Variants in INPP5A observed in about 807,000 individuals in gnomAD.
INPP5A encodes 43 kDa inositol polyphosphate 5-phophatase.
INPP5A carries 14 observed loss-of-function variants against 65.2 expected under a neutral mutation model. The ratio of observed to expected loss-of-function variants is 0.21; its 90% CI spans 0.14 to 0.34. INPP5A has a LOEUF of 0.34. Among genes scored for constraint, INPP5A ranks in the 10% least tolerant of loss-of-function variants. INPP5A has a pLI of 1.00. For synonymous variants in INPP5A, 207 were observed against 208.3 expected (o/e 0.99, Z 0.05); for missense variants, 431 against 545.6 (o/e 0.79, Z 2.09).
intron 11 of INPP5A, among the ~76,000 whole-genome samples, chr10:132,761,405 A>T (rs1846730604): frequency 6.6e-6 from 1 of 152,198 alleles, no homozygotes; most frequent in African/African-American, 2.4e-5. Context: ...CTCTGGGTTA[A>T]CAAGACAGAC....
chr10:132,742,814 C>T (rs1050457943), intron 9 of INPP5A, among the ~76,000 whole-genome samples: 10 of 152,164 alleles, frequency 6.6e-5, no homozygotes, highest in African/African-American at 2.2e-4. Context: ...TTCTCTTTGC[C>T]GAGATTTATC....
At chr10:132,640,506 CA>C (rs1178102656) in intron 2 of INPP5A, among the ~76,000 whole-genome samples, 1 of 152,254 alleles carries the variant, frequency 6.6e-6, no homozygotes, top group East Asian at 1.9e-4. Flanking sequence ...AAGTGTGGCC[CA>C]GGCTTGGGCA....
In INPP5A at chr10:132,607,942, C is replaced by T. The variant is rs749800240; in HGVS notation, c.103C>T (p.Arg35Trp). 2.5e-5 allele frequency: 41 copies of T among 1,611,736 alleles called. No homozygotes were observed. The highest frequency in any genetic ancestry group is 3.2e-5 in the Non-Finnish European group (38 of 1,179,980). Residue 35 changes from arginine (R) to tryptophan (W), a missense_variant, in exon 2 of 16, where the codon CGG (arginine) becomes TGG (tryptophan). Transcript: ENST00000368594. ...AGAAAACCTGCAGAAGAACTGGCTT[C>T]GGGAATTTTACCAGGTAAGAACCAC... Reference protein sequence around the residue: ...DPENLQKNWLREFYQVVHTHK... With the variant: ...DPENLQKNWLWEFYQVVHTHK...
intron 2 of INPP5A, among the ~76,000 whole-genome samples, chr10:132,630,992 A>G (rs112795895): frequency 0.024 from 3,585 of 152,242 alleles, 52 homozygotes; most frequent in South Asian, 0.039. Context: ...AGGCTGCTGC[A>G]TGTGGTCAGT....
At chr10:132,557,196 G>A (rs1298967331) in intron 1 of INPP5A, among the ~76,000 whole-genome samples, 12 of 152,216 alleles carry the variant, frequency 7.9e-5, no homozygotes, top group Non-Finnish European at 1.3e-4. Context: ...GTCTGTTGCC[G>A]CTGTGACCGA....
At chr10:132,602,607 AT>A (rs1249862058) in intron 1 of INPP5A, among the ~76,000 whole-genome samples, 1 of 152,012 alleles carries the variant, frequency 6.6e-6, no homozygotes, top group Non-Finnish European at 1.5e-5. Flanking sequence ...ATTTCTATCA[AT>A]TTTTTGGTGG....
At chr10:132,720,916 G>C (rs1430229429) in intron 8 of INPP5A, among the ~76,000 whole-genome samples, 4 of 128,026 alleles carry the variant, frequency 3.1e-5, no homozygotes, top group South Asian at 2.8e-4. Context: ...CGGCTGTCTT[G>C]CGGGTTCTGT....
chr10:132,573,000 G>A (rs1252226965), intron 1 of INPP5A, among the ~76,000 whole-genome samples: 2 of 151,862 alleles, frequency 1.3e-5, no homozygotes, highest in African/African-American at 2.4e-5. Context: ...AGATGTTGGG[G>A]TGTGCGTGCC....
intron 5 of INPP5A, among the ~76,000 whole-genome samples, chr10:132,696,021 C>T (rs1035470318): frequency 3.3e-5 from 5 of 152,268 alleles, no homozygotes; most frequent in Admixed American, 2.6e-4. Flanking sequence ...CGAATGGGAT[C>T]GGAGCCCTCA....
intron 7 of INPP5A, chr10:132,708,653 C>T (rs983221696): frequency 6.8e-5 from 35 of 512,598 alleles, no homozygotes; most frequent in Non-Finnish European, 1.0e-4. Context: ...GGCCAGAGCC[C>T]GCTGCACAGA....
rs569915762 is a variant in INPP5A, at chr10:132,636,561, G to A, written c.118-9307G>A. ...AGCCTGCTGCACGCCTTTGGAAATC[G>A]AGGTTGTGGACGCACAGCCACCCCC... is the stretch of plus-strand genomic sequence containing the variant. On this transcript the variant is annotated intron_variant, in intron 2 of 15. Coordinates refer to ENST00000368594, the MANE Select transcript of INPP5A (RefSeq NM_005539.5). 2.4e-4 allele frequency among the ~76,000 whole-genome samples: 37 copies of A among 152,320 alleles called. No individual in the cohort carries two copies. The East Asian group carries it at 3.7e-3, about 15-fold the overall frequency.
chr10:132,591,548 T>C (rs1000587997), intron 1 of INPP5A, among the ~76,000 whole-genome samples: 15 of 152,380 alleles, frequency 9.8e-5, no homozygotes, highest in African/African-American at 3.6e-4. Flanking sequence ...TGTTCACATA[T>C]GCAAAAGGTC....
chr10:132,738,012 GACAAAAA>G (rs1279299947), intron 9 of INPP5A, among the ~76,000 whole-genome samples: 1 of 152,100 alleles, frequency 6.6e-6, no homozygotes, highest in East Asian at 1.9e-4. Context: ...AGAAAAAGAA[GACAAAAA>G]ACAAAAGACG....
At chr10:132,768,282 T>G (rs1444640617) in intron 12 of INPP5A, among the ~76,000 whole-genome samples, 5 of 147,434 alleles carry the variant, frequency 3.4e-5, no homozygotes, top group African/African-American at 1.3e-4. Flanking sequence ...GAAAGATCCG[T>G]GGACCCCGAC....
chr10:132,707,566 G>A lies in INPP5A; in HGVS notation c.475-747G>A, dbSNP rs770955244. On this transcript the variant is annotated intron_variant, in intron 6 of 15. Coordinates refer to ENST00000368594, the MANE Select transcript of INPP5A (RefSeq NM_005539.5). This position sits in a 1 kb window ranked among gnomAD's most constrained non-coding sequence, Gnocchi z 5.5. ...GTGGCCCCGGTGGCTGGCCACTGCTGTACTGGGTGGCCCAGCAGAGGAACC... is the reference window on the plus strand; with the variant it reads ...GTGGCCCCGGTGGCTGGCCACTGCTATACTGGGTGGCCCAGCAGAGGAACC... Among the ~76,000 whole-genome samples the A allele has an allele frequency of 3.9e-5, 6 of 152,238 alleles. No homozygotes were observed. Among genetic ancestry groups the A allele is most frequent in the Non-Finnish European group, 7.3e-5 (5 of 68,044 alleles).
Position 132,618,030 on chromosome 10 carries a change from T to G in INPP5A, c.117+10074T>G, listed in dbSNP as rs554383348. ...TTAATTTTTTAAAGTTGTTTTTCTGTTGGACCTTGAGGTAGTTTAAAGTTT... is the reference window on the plus strand; with the variant it reads ...TTAATTTTTTAAAGTTGTTTTTCTGGTGGACCTTGAGGTAGTTTAAAGTTT... On this transcript the variant is annotated intron_variant, in intron 2 of 15. Transcript: ENST00000368594. Among the ~76,000 whole-genome samples the G allele has an allele frequency of 5.9e-5, 9 of 152,366 alleles. No homozygotes were observed. In the South Asian group the frequency reaches 1.9e-3, roughly 32 times the overall value.
At chr10:132,598,470 A>C (rs2071736064) in intron 1 of INPP5A, among the ~76,000 whole-genome samples, 1 of 152,236 alleles carries the variant, frequency 6.6e-6, no homozygotes, top group Non-Finnish European at 1.5e-5. Flanking sequence ...GACTCCAGAT[A>C]TCTCACATGA....
chr10:132,588,979 C>T (rs901311960), intron 1 of INPP5A, among the ~76,000 whole-genome samples: 4 of 151,444 alleles, frequency 2.6e-5, no homozygotes, highest in African/African-American at 7.3e-5. Flanking sequence ...TGTGGTCCCA[C>T]GTTCTGGTGT....
chr10:132,544,372 C>T (rs2070942321), intron 1 of INPP5A, among the ~76,000 whole-genome samples: 1 of 152,174 alleles, frequency 6.6e-6, no homozygotes, highest in African/African-American at 2.4e-5. Context: ...ATGGGGGCGG[C>T]CTGTGGTCTG....
Sources: allele counts gnomAD v4.1 joint callset (sites outside exome capture counted in the v4.1 genomes callset), GRCh38; gene constraint gnomAD v4.1.1; non-coding constraint Gnocchi (gnomAD v3.1); transcripts MANE v1.5; gene names NCBI Gene and HGNC (gene_info 2026-07-23, HGNC 2026-07-21).